ARHGAP24: variants seen among roughly 807,000 people sequenced by gnomAD.
ARHGAP24 encodes rho GTPase-activating protein 24.
A neutral mutation model predicts 76.4 loss-of-function variants in ARHGAP24; 50 were observed. The ratio of observed to expected loss-of-function variants is 0.65; its 90% CI spans 0.52 to 0.83. The LOEUF (loss-of-function observed/expected upper bound fraction) is 0.83, where lower values mean the gene tolerates loss of function less well. Among genes scored for constraint, ARHGAP24 ranks in the 40% least tolerant of loss-of-function variants. ARHGAP24 has a pLI of 0.00. For missense variants in ARHGAP24, 930 were observed against 914.2 expected (o/e 1.02, Z -0.22); for synonymous variants, 345 against 323.3 (o/e 1.07, Z -0.72).
chr4:85,513,388 T>A (rs1364571348), intron 1 of ARHGAP24, among the ~76,000 whole-genome samples: 1 of 152,140 alleles, frequency 6.6e-6, no homozygotes, highest in Non-Finnish European at 1.5e-5. Context: ...TTCAGTGTCC[T>A]TTTTGGCCCC....
chr4:85,602,376 T>C (rs1430064083), intron 2 of ARHGAP24, among the ~76,000 whole-genome samples: 1 of 152,184 alleles, frequency 6.6e-6, no homozygotes, highest in Non-Finnish European at 1.5e-5. Flanking sequence ...TCAAAGCTCA[T>C]AGAGTGATTA....
At chr4:85,673,187 C>T (rs777661736) in intron 2 of ARHGAP24, among the ~76,000 whole-genome samples, 6 of 152,138 alleles carry the variant, frequency 3.9e-5, no homozygotes, top group Non-Finnish European at 8.8e-5. Flanking sequence ...TTCAAGTGCA[C>T]TTCCCTTTAG....
intron 2 of ARHGAP24, among the ~76,000 whole-genome samples, chr4:85,578,751 T>TCAC (rs1727489719): frequency 6.6e-6 from 1 of 151,786 alleles, no homozygotes; most frequent in East Asian, 1.9e-4. Flanking sequence ...GATGTTACTA[T>TCAC]CATCATCATC....
intron 2 of ARHGAP24, among the ~76,000 whole-genome samples, chr4:85,596,219 T>C (rs1471349054): frequency 1.3e-5 from 2 of 152,020 alleles, no homozygotes; most frequent in East Asian, 1.9e-4. Context: ...AATGCAGTTT[T>C]ATGAGTCCAG....
intron 3 of ARHGAP24, among the ~76,000 whole-genome samples, chr4:85,748,613 GAC>G (rs1435163792): frequency 1.4e-4 from 22 of 152,144 alleles, no homozygotes; most frequent in African/African-American, 5.3e-4. Context: ...ATATATGAGA[GAC>G]ACAGTAAGAA....
chr4:85,613,555 A>G (rs577056101), intron 2 of ARHGAP24, among the ~76,000 whole-genome samples: 5 of 152,302 alleles, frequency 3.3e-5, no homozygotes, highest in South Asian at 2.1e-4. Context: ...GCAAAGCCCA[A>G]CATTTCTGGG....
intron 3 of ARHGAP24, among the ~76,000 whole-genome samples, chr4:85,911,687 G>T (rs565255990): frequency 1.3e-5 from 2 of 152,314 alleles, no homozygotes; most frequent in East Asian, 3.9e-4. Flanking sequence ...AATGGTTTAA[G>T]ATTTTTCAGC....
intron 1 of ARHGAP24, among the ~76,000 whole-genome samples, chr4:85,487,318 T>C (rs1270395143): frequency 8.3e-6 from 1 of 120,148 alleles, no homozygotes; most frequent in Non-Finnish European, 1.6e-5. Context: ...ATATATAAAA[T>C]ATATATTTAT....
intron 4 of ARHGAP24, among the ~76,000 whole-genome samples, chr4:85,926,206 T>A (rs1736017213): frequency 6.6e-6 from 1 of 152,210 alleles, no homozygotes; most frequent in African/African-American, 2.4e-5. Context: ...AAATAGTTGA[T>A]TGGTCTATAA....
chr4:85,972,543 C>A lies in ARHGAP24; in HGVS notation c.732+375C>A, dbSNP rs561343404. Among the ~76,000 whole-genome samples, 5 of 152,268 alleles carry A rather than the reference C, an allele frequency of 3.3e-5. No homozygotes were observed. In the South Asian group the frequency reaches 1.0e-3, roughly 32 times the overall value. On this transcript the variant is annotated intron_variant, in intron 6 of 9. Transcript: ENST00000395184. ...TGGCTTCTATACAAAATCCTACCTACTGCTATTTCTTTAAACAGCTTTGTT... is the reference window on the plus strand; with the variant it reads ...TGGCTTCTATACAAAATCCTACCTAATGCTATTTCTTTAAACAGCTTTGTT...
chr4:85,616,684 G>A lies in ARHGAP24; in HGVS notation c.180+45963G>A, dbSNP rs969692934. ...ATTCTGTCGCGCAGGCTGGAGTGCAGTGGCACGATCTCAGCTCACTGGAAC... is the reference window on the plus strand; with the variant it reads ...ATTCTGTCGCGCAGGCTGGAGTGCAATGGCACGATCTCAGCTCACTGGAAC... On this transcript the variant is annotated intron_variant, in intron 2 of 9. Transcript: ENST00000395184. Among the ~76,000 whole-genome samples, 5 of 152,142 alleles carry A rather than the reference G, an allele frequency of 3.3e-5. No homozygotes were observed. The East Asian group carries it at 9.6e-4, about 29-fold the overall frequency.
intron 5 of ARHGAP24, among the ~76,000 whole-genome samples, chr4:85,951,551 T>C (rs186799421): frequency 6.6e-6 from 1 of 152,288 alleles, no homozygotes; most frequent in East Asian, 1.9e-4. Context: ...TGTTCTTAAA[T>C]ATGCCTGTGC....
chr4:85,521,025 T>C (rs1404038388), intron 1 of ARHGAP24, among the ~76,000 whole-genome samples: 1 of 152,124 alleles, frequency 6.6e-6, no homozygotes, highest in African/African-American at 2.4e-5. Flanking sequence ...GCATCAGGGA[T>C]TCAACTAAAC....
intron 1 of ARHGAP24, among the ~76,000 whole-genome samples, chr4:85,480,753 A>G (rs1444227235): frequency 1.3e-5 from 2 of 152,158 alleles, no homozygotes; most frequent in African/African-American, 4.8e-5. Flanking sequence ...GTAGGAAAAA[A>G]ATCACATTTT....
At chr4:85,898,031 G>GTA (rs1431311898) in intron 3 of ARHGAP24, among the ~76,000 whole-genome samples, 9 of 79,582 alleles carry the variant, frequency 1.1e-4, no homozygotes, top group Admixed American at 4.3e-4. Context: ...ACACATATAT[G>GTA]TGTATATATA....
chr4:85,772,617 G>A (rs909654527), intron 3 of ARHGAP24, among the ~76,000 whole-genome samples: 1 of 152,146 alleles, frequency 6.6e-6, no homozygotes, highest in Non-Finnish European at 1.5e-5. Context: ...TCCTAGTATA[G>A]TGTGTGAATA....
In ARHGAP24 at chr4:85,515,044, G is replaced by A. The variant is rs537681745; in HGVS notation, c.-21+39485G>A. Among the ~76,000 whole-genome samples, 3 of 151,998 alleles carry A rather than the reference G, an allele frequency of 2.0e-5. No individual in the cohort carries two copies. The South Asian group carries it at 6.2e-4, about 32-fold the overall frequency. On this transcript the variant is annotated intron_variant, in intron 1 of 9. Transcript: ENST00000395184. ...GCAGCTGGGACAACATCCTGCTGCG[G>A]ATCTTCTGAGAGAGTACGTAGAATA...
chr4:85,872,884 G>T (rs1732623875), intron 3 of ARHGAP24, among the ~76,000 whole-genome samples: 1 of 151,940 alleles, frequency 6.6e-6, no homozygotes, highest in Non-Finnish European at 1.5e-5. Context: ...TTACAAACGT[G>T]AACCACTGCA....
intron 2 of ARHGAP24, among the ~76,000 whole-genome samples, chr4:85,607,925 T>C (rs1262549987): frequency 1.3e-5 from 2 of 151,546 alleles, no homozygotes; most frequent in South Asian, 2.1e-4. Context: ...CCAACGAAAA[T>C]CTCTGGGCCT....
Sources: allele counts gnomAD v4.1 joint callset (sites outside exome capture counted in the v4.1 genomes callset), GRCh38; gene constraint gnomAD v4.1.1; transcripts MANE v1.5; gene names NCBI Gene and HGNC (gene_info 2026-07-23, HGNC 2026-07-21).